The following CNTLN variants were observed in gnomAD, a reference collection of about 807,000 sequenced individuals.
CNTLN encodes the protein centlein, centrosomal protein.
A neutral mutation model predicts 180.0 loss-of-function variants in CNTLN; 212 were observed. The observed-to-expected ratio is 1.18, with a 90% CI of 1.05 to 1.32. The LOEUF (loss-of-function observed/expected upper bound fraction) is 1.32, where lower values mean the gene tolerates loss of function less well. Ranked by LOEUF, CNTLN falls within the 40% of genes most tolerant of loss-of-function variation. The pLI is 0.00. For synonymous variants in CNTLN, 722 were observed against 563.1 expected, an observed-to-expected ratio of 1.28 and a Z score of -3.99; for missense variants, 2,095 against 1,610.9, an observed-to-expected ratio of 1.30 and a Z score of -5.14.
chr9:17,252,468 G>A (rs1826203665), intron 5 of CNTLN, among the ~76,000 whole-genome samples: 1 of 150,718 alleles, frequency 6.6e-6, no homozygotes, highest in Non-Finnish European at 1.5e-5. Context: ...TCTCATTATG[G>A]TTTTGATTTG....
At chr9:17,328,796 A>G (rs1820463528) in intron 8 of CNTLN, among the ~76,000 whole-genome samples, 1 of 152,106 alleles carries the variant, frequency 6.6e-6, no homozygotes, top group Non-Finnish European at 1.5e-5. Context: ...TCACTCTTTG[A>G]TAGTATTTTA....
chr9:17,155,956 T>G (rs1001511578), intron 2 of CNTLN, among the ~76,000 whole-genome samples: 2 of 152,086 alleles, frequency 1.3e-5, no homozygotes, highest in South Asian at 2.1e-4. Context: ...TCAGACTCAG[T>G]CCTTCATGGC....
intron 12 of CNTLN, among the ~76,000 whole-genome samples, chr9:17,346,349 G>A (rs1213683673): frequency 6.6e-6 from 1 of 152,110 alleles, no homozygotes; most frequent in Non-Finnish European, 1.5e-5. Context: ...TCACTAGCAT[G>A]AGAACTGCCC....
At chr9:17,246,778 T>C (rs1825819552) in intron 5 of CNTLN, among the ~76,000 whole-genome samples, 2 of 152,028 alleles carry the variant, frequency 1.3e-5, no homozygotes, top group African/African-American at 2.4e-5. Flanking sequence ...CCCACTCTTC[T>C]CTCCCTTTTC....
At chr9:17,246,428 G>A (rs986951192) in intron 5 of CNTLN, among the ~76,000 whole-genome samples, 7 of 152,120 alleles carry the variant, frequency 4.6e-5, no homozygotes, top group Admixed American at 1.3e-4. Context: ...TGAGCTGCCT[G>A]GATTTAGTGA....
At chr9:17,470,144 G>C (rs766629085) in intron 23 of CNTLN, among the ~76,000 whole-genome samples, 4 of 151,792 alleles carry the variant, frequency 2.6e-5, no homozygotes, top group Admixed American at 6.6e-5. Context: ...GGAAAGGAAC[G>C]TTGTCATTTG....
chr9:17,211,036 C>T (rs1441795956), intron 2 of CNTLN, among the ~76,000 whole-genome samples: 1 of 152,180 alleles, frequency 6.6e-6, no homozygotes, highest in Non-Finnish European at 1.5e-5. Context: ...GTTTCTTTTG[C>T]TGTGCAGAAG....
chr9:17,330,604 C>G lies in CNTLN; in HGVS notation c.1342-28C>G, dbSNP rs1004231729. On this transcript the variant is annotated intron_variant, in intron 8 of 25. Transcript: ENST00000380647. ...TAATGTAAGATACAAACATAGATAT[C>G]TATTTACAATTATACTTTTTAAAAT... 4.1e-6 allele frequency: 5 copies of G among 1,225,516 alleles called. No individual in the cohort carries two copies. The South Asian group carries it at 4.8e-5, about 12-fold the overall frequency. The allele number at this position is 1,225,516 out of a possible 1,614,324, so 75.9% of individuals were successfully genotyped here. A position where few individuals can be genotyped will look rare whatever the true frequency, so the allele number is the denominator to read the frequency against.
At chr9:17,252,700 G>A (rs977070286) in intron 5 of CNTLN, among the ~76,000 whole-genome samples, 4 of 151,620 alleles carry the variant, frequency 2.6e-5, no homozygotes, top group African/African-American at 9.7e-5. Context: ...CTACTTTGAA[G>A]ATTGTCTGTT....
rs774820767 is a variant in CNTLN at position 17,394,980 on chromosome 9, C to A, written c.2526C>A (p.His842Gln). ...AGAAAAATTGCTCTGTGGGTCGTCA[C>A]CACACTGTTCTCAATCATTCCATCA... is the stretch of plus-strand genomic sequence containing the variant. ...AAKKNCSVGR[H>Q]HTVLNHSIKV... The change falls in exon 15 of 26, where the codon CAC becomes CAA. Residue 842 changes from histidine (H) to glutamine (Q), a missense_variant. By Grantham distance (24) the His-to-Gln change is conservative (BLOSUM62 0). Transcript: ENST00000380647. 8.1e-6 allele frequency: 13 copies of A among 1,613,604 alleles called. No homozygotes were observed. The highest frequency in any genetic ancestry group is 1.1e-5 in the Non-Finnish European group (13 of 1,179,730).
intron 2 of CNTLN, among the ~76,000 whole-genome samples, chr9:17,149,424 A>AC (rs1000500858): frequency 7.4e-5 from 11 of 148,424 alleles, no homozygotes; most frequent in Non-Finnish European, 1.0e-4. Context: ...ACTAATTTAC[A>AC]CCCCCACCAA....
At chr9:17,146,056 A>T (rs964731283) in intron 2 of CNTLN, among the ~76,000 whole-genome samples, 1 of 152,156 alleles carries the variant, frequency 6.6e-6, no homozygotes, top group African/African-American at 2.4e-5. Flanking sequence ...ACTTGCTTGA[A>T]GCTTGTAGGA....
At chr9:17,245,357 C>A (rs1825737398) in intron 5 of CNTLN, among the ~76,000 whole-genome samples, 1 of 149,854 alleles carries the variant, frequency 6.7e-6, no homozygotes, top group Admixed American at 6.6e-5. Context: ...TTAAATATGT[C>A]ATGACACTCT....
At chr9:17,403,174 A>T (rs565446756) in intron 15 of CNTLN, among the ~76,000 whole-genome samples, 1 of 151,778 alleles carries the variant, frequency 6.6e-6, no homozygotes, top group African/African-American at 2.4e-5. Context: ...TTTGGAAGAG[A>T]TACACACAAA....
intron 10 of CNTLN, among the ~76,000 whole-genome samples, chr9:17,332,982 T>G (rs1052247098): frequency 6.6e-5 from 10 of 152,070 alleles, no homozygotes; most frequent in Admixed American, 6.6e-4. Flanking sequence ...GTCTTAAAAT[T>G]GGGAATAAAT....
At chr9:17,404,725 CCTT>C (rs1827242321) in intron 15 of CNTLN, among the ~76,000 whole-genome samples, 2 of 142,292 alleles carry the variant, frequency 1.4e-5, no homozygotes, top group African/African-American at 5.2e-5. Flanking sequence ...CCTTCATCAT[CCTT>C]CTGAAACAAA....
intron 15 of CNTLN, among the ~76,000 whole-genome samples, chr9:17,402,787 G>C (rs1170451161): frequency 1.3e-5 from 2 of 151,728 alleles, no homozygotes; most frequent in East Asian, 1.9e-4. Context: ...GTTTCCACCT[G>C]CTGGCAATTG....
At chr9:17,321,247 C>T (rs1209263427) in intron 8 of CNTLN, among the ~76,000 whole-genome samples, 1 of 152,132 alleles carries the variant, frequency 6.6e-6, no homozygotes, top group African/African-American at 2.4e-5. Context: ...ACTTTCTAGA[C>T]CTTGTAGATT....
chr9:17,295,437 T>C (rs1817815893), intron 6 of CNTLN, among the ~76,000 whole-genome samples: 1 of 152,108 alleles, frequency 6.6e-6, no homozygotes, highest in Admixed American at 6.5e-5. Context: ...TGGTAGGAGC[T>C]CGCATTACTC....
Sources: allele counts gnomAD v4.1 joint callset (sites outside exome capture counted in the v4.1 genomes callset), GRCh38; gene constraint gnomAD v4.1.1; transcripts MANE v1.5; gene names NCBI Gene and HGNC (gene_info 2026-07-23, HGNC 2026-07-21).